Variants in ADH4 observed in about 807,000 individuals in gnomAD.
ADH4 encodes alcohol dehydrogenase 4 (class II), pi polypeptide, also known as all-trans-retinol dehydrogenase [NAD(+)] ADH4.
Under a neutral mutation model 35.2 loss-of-function variants are expected in ADH4, and 31 were observed. The observed-to-expected ratio is 0.88, with a 90% CI of 0.66 to 1.19. The LOEUF is 1.19. ADH4 is among the 50% of genes most tolerant of loss of function. The pLI is 0.00. For synonymous variants in ADH4, 171 were observed against 160.2 expected (o/e 1.07, Z -0.51); for missense variants, 476 against 458.3 (o/e 1.04, Z -0.35).
At position 99,136,488 on chromosome 4, in the gene ADH4, C is replaced by G. The variant is rs762740779; in HGVS notation, c.560G>C (p.Gly187Ala). Reference sequence around the variant, plus strand: ...TACCTTGGCATTGTTGATTGCAGCCCCATAGCCAGTTGAAAACCCACATCC... The same window carrying G: ...TACCTTGGCATTGTTGATTGCAGCCGCATAGCCAGTTGAAAACCCACATCC... ...LLGCGFSTGY[G>A]AAINNAKVTP... The change falls in exon 5 of 9, where the codon GGG becomes GCG. Residue 187 changes from glycine (G) to alanine (A), a missense_variant. Gly to Ala is a moderately conservative substitution (Grantham distance 60). Transcript: ENST00000265512. 4 of 1,614,010 alleles carry G rather than the reference C, an allele frequency of 2.5e-6. No homozygotes were observed. Among genetic ancestry groups the G allele is most frequent in the Non-Finnish European group, 3.4e-6 (4 of 1,179,980 alleles).
In ADH4 at chr4:99,124,247, ATTAT is replaced by A. The variant is rs1156898027; in HGVS notation, c.*191_*194del. 2 of 476,390 alleles carry A rather than the reference ATTAT, an allele frequency of 4.2e-6. No individual in the cohort carries two copies. The highest frequency in any genetic ancestry group is 7.4e-6 in the Non-Finnish European group (2 of 269,958). The allele number at this position is 476,390 out of a possible 1,614,324, so 29.5% of individuals were successfully genotyped here. A position where few individuals can be genotyped will look rare whatever the true frequency, so the allele number is the denominator to read the frequency against. On this transcript the variant is annotated 3_prime_UTR_variant, in exon 9 of 9. Transcript: ENST00000265512. ...CTATTCATAAACACTAGTTATTATT[ATTAT>A]TTAACATAGGGAATATTCATATATA...
chr4:99,127,060 C>A (rs6532797), intron 7 of ADH4, 149 bp downstream of exon 7: 447,280 of 464,774 alleles, frequency 0.96, 215,358 homozygotes, highest in East Asian at 1. Context: ...ATTTATAAGT[C>A]ATTAATAGTT....
At chr4:99,136,440 A>G in intron 5 of ADH4, 26 bp downstream of exon 5, 1 of 1,590,190 alleles carries the variant, frequency 6.3e-7, no homozygotes, top group Non-Finnish European at 8.6e-7. Flanking sequence ...CTTCTGTTTT[A>G]CACAAACTGG....
In ADH4 at chr4:99,141,586, CTGCAGCCTCA is replaced by C. The variant is rs775835319; in HGVS notation, c.207_216del (p.His69GlnfsTer11). The C allele has an allele frequency of 3.3e-5, 54 of 1,614,006 alleles. 3 individuals carry two copies. Among genetic ancestry groups the C allele is most frequent in the African/African-American group, 1.3e-5 (1 of 74,930 alleles). ...CCTGGCCCAATACTTTCCACAATAC[CTGCAGCCTCA>C]TGGCCAACGATCACTGGGAAAGCTA... On this transcript the variant is annotated frameshift_variant, in exon 3 of 9. Coordinates refer to ENST00000265512, the MANE Select transcript of ADH4 (RefSeq NM_000670.5). LOFTEE classifies it high-confidence loss of function.
In ADH4 at chr4:99,123,822, T is replaced by C. The variant is rs918098909; in HGVS notation, c.*620A>G. 1 of 152,266 alleles carries C rather than the reference T, an allele frequency of 6.6e-6. No individual in the cohort carries two copies. Among genetic ancestry groups the C allele is most frequent in the African/African-American group, 2.4e-5 (1 of 41,466 alleles). 9.4% of individuals were successfully genotyped at this position (152,266 alleles called of 1,614,324 possible). Reference sequence around the variant, plus strand: ...CTTTTTAAAAATTTCCAACTTTTATTAAGTTCCAGGGTACATGTGCAGGAT... The same window carrying C: ...CTTTTTAAAAATTTCCAACTTTTATCAAGTTCCAGGGTACATGTGCAGGAT... On this transcript the variant is annotated 3_prime_UTR_variant, in exon 9 of 9. Coordinates refer to ENST00000265512, the MANE Select transcript of ADH4 (RefSeq NM_000670.5).
intron 6 of ADH4, among the ~76,000 whole-genome samples, chr4:99,127,562 C>G (rs1305369032): frequency 6.6e-6 from 1 of 152,216 alleles, no homozygotes; most frequent in Non-Finnish European, 1.5e-5. Context: ...GTGCAGGTGA[C>G]TCATTCCTGT....
chr4:99,127,616 G>A (rs1353081999), intron 6 of ADH4, among the ~76,000 whole-genome samples: 1 of 151,856 alleles, frequency 6.6e-6, no homozygotes, highest in African/African-American at 2.4e-5. Context: ...ATCACTTGAG[G>A]CCAGGAGTTC....
At chr4:99,142,422 C>T (rs942260810) in intron 2 of ADH4, among the ~76,000 whole-genome samples, 8 of 152,162 alleles carry the variant, frequency 5.3e-5, no homozygotes. Context: ...AAGTGAATTC[C>T]TTTGTCTGAT....
rs1729282334 is a variant in ADH4, at chr4:99,131,764, C to T, written c.583G>A (p.Val195Ile). ...ACAGCACAAGTCGAACCAGGGGTGACCTGCAAGCAGGAAAATTATAAAGTA... is the reference window on the plus strand; with the variant it reads ...ACAGCACAAGTCGAACCAGGGGTGATCTGCAAGCAGGAAAATTATAAAGTA... The part of the protein sequence containing the change: ...GYGAAINNAK[V>I]TPGSTCAVFG... Residue 195 changes from valine to isoleucine, a missense_variant and splice_region_variant, in exon 6 of 9, where the codon GTC becomes ATC. By Grantham distance (29) the Val-to-Ile change is conservative. Transcript: ENST00000265512. 6.2e-7 allele frequency: 1 copy of T among 1,608,086 alleles called. No homozygotes were observed. The highest frequency in any genetic ancestry group is 1.1e-5 in the South Asian group (1 of 90,000).
intron 6 of ADH4, 145 bp downstream of exon 6, chr4:99,131,359 G>T: frequency 1.1e-6 from 1 of 914,398 alleles, no homozygotes; most frequent in Non-Finnish European, 1.6e-6. Flanking sequence ...TGAGGGAATG[G>T]GAAATGATTT....
In ADH4 at chr4:99,123,916, G is replaced by A. The variant is rs1728993171; in HGVS notation, c.*526C>T. The A allele has an allele frequency of 6.4e-6, 1 of 155,430 alleles. No homozygotes were observed. Among genetic ancestry groups the A allele is most frequent in the African/African-American group, 2.4e-5 (1 of 41,402 alleles). The allele number at this position is 155,430 out of a possible 1,614,324, so 9.6% of individuals were successfully genotyped here. On this transcript the variant is annotated 3_prime_UTR_variant, in exon 9 of 9. Transcript: ENST00000265512. Reference sequence around the variant, plus strand: ...CTGCACAGATCATCTCATCACCCAGGTATGAAGCCCAGCATCCATTAGCTA... The same window carrying A: ...CTGCACAGATCATCTCATCACCCAGATATGAAGCCCAGCATCCATTAGCTA...
rs181583298 is a variant in ADH4, at chr4:99,130,384, C to T, written c.843+1120G>A. On this transcript the variant is annotated intron_variant, in intron 6 of 8. Coordinates refer to ENST00000265512, the MANE Select transcript of ADH4 (RefSeq NM_000670.5). The stretch of plus-strand genomic sequence containing the variant: ...TAGACTCCAGTATCACTACATTCAG[C>T]TCCTTAAAAGGGTCCTTAGCAGGTG... Among the ~76,000 whole-genome samples the T allele has an allele frequency of 2.0e-5, 3 of 152,336 alleles. No individual in the cohort carries two copies. The East Asian group carries it at 5.8e-4, about 29-fold the overall frequency.
At chr4:99,143,140 A>G (rs755404665) in intron 1 of ADH4, 58 of 701,596 alleles carry the variant, frequency 8.3e-5, no homozygotes, top group Non-Finnish European at 1.1e-4. Context: ...TATTGAGTGA[A>G]CTGTTTGAAA....
At chr4:99,124,692 C>T (rs1729026970) in intron 8 of ADH4, among the ~76,000 whole-genome samples, 1 of 152,062 alleles carries the variant, frequency 6.6e-6, no homozygotes, top group Admixed American at 6.6e-5. Context: ...CCTTACTCAC[C>T]TTAGGCAGCG....
chr4:99,142,686 C>A lies in ADH4; in HGVS notation c.113G>T (p.Arg38Leu), dbSNP rs370233244. The A allele has an allele frequency of 1.9e-6, 3 of 1,569,384 alleles. No individual in the cohort carries two copies. The highest frequency in any genetic ancestry group is 2.4e-5 in the South Asian group (2 of 82,740). The change falls in exon 2 of 9, where the codon CGC (arginine) becomes CTC (leucine). Residue 38 changes from arginine (R) to leucine (L), a missense_variant. Physicochemically the swap from Arg to Leu is moderately radical, Grantham distance 102 (BLOSUM62 -2). Coordinates refer to ENST00000265512, the MANE Select transcript of ADH4 (RefSeq NM_000670.5). ...EVAPPKAHEV[R>L]IQIIATSLCH... ...AGGAAAGTCTCCACTTACCTGAATGCGAACTTCATGAGCCTTGGGGGGAGC... is the reference window on the plus strand; with the variant it reads ...AGGAAAGTCTCCACTTACCTGAATGAGAACTTCATGAGCCTTGGGGGGAGC...
chr4:99,126,272 G>A (rs963523673), intron 8 of ADH4, among the ~76,000 whole-genome samples: 5 of 119,420 alleles, frequency 4.2e-5, no homozygotes, highest in African/African-American at 1.0e-4. Context: ...AAACTCAGGG[G>A]TACACTCTAC....
chr4:99,139,115 C>T lies in ADH4; in HGVS notation c.296G>A (p.Cys99Tyr), dbSNP rs1560780480. Residue 99 changes from cysteine (C) to tyrosine (Y), a missense_variant, in exon 4 of 9, where the codon TGT becomes TAT. Cys to Tyr is a radical substitution (Grantham distance 194, BLOSUM62 -2). Transcript: ENST00000265512. ...ACTCAGACAAAACTTGCATTTTCTACATAGAGGTGCATAAAGTGGAATTAC... is the reference window on the plus strand; with the variant it reads ...ACTCAGACAAAACTTGCATTTTCTATATAGAGGTGCATAAAGTGGAATTAC... ...DKVIPLYAPL[C>Y]RKCKFCLSPL... is the part of the protein sequence containing the mutation. 1 of 1,613,322 alleles carries T rather than the reference C, an allele frequency of 6.2e-7. No homozygotes were observed. Among genetic ancestry groups the T allele is most frequent in the Non-Finnish European group, 8.5e-7 (1 of 1,179,606 alleles).
chr4:99,139,065 T>A lies in ADH4; in HGVS notation c.346A>T (p.Ile116Phe). 6.2e-7 allele frequency: 1 copy of A among 1,610,922 alleles called. No homozygotes were observed. The highest frequency in any genetic ancestry group is 8.5e-7 in the Non-Finnish European group (1 of 1,177,572). ...CTAACAGTGTAGAGTGCTTACCTGA[T>A]TTTCCCACACAAATTTGTGAGTGGA... ...LSPLTNLCGKISNLKSPASDQ... is the reference protein window; with the variant it reads ...LSPLTNLCGKFSNLKSPASDQ... The change falls in exon 4 of 9, where the codon ATC becomes TTC. Residue 116 changes from isoleucine (I) to phenylalanine (F), a missense_variant. Ile to Phe is a conservative substitution (Grantham distance 21). Transcript: ENST00000265512.
At position 99,144,056 on chromosome 4, in the gene ADH4, G is replaced by A. The variant is rs1278843240; in HGVS notation, c.18+149C>T. The A allele has an allele frequency of 3.8e-6, 3 of 798,022 alleles. No individual in the cohort carries two copies. The African/African-American group carries it at 5.2e-5, about 14-fold the overall frequency. The allele number at this position is 798,022 out of a possible 1,614,324, so 49.4% of individuals were successfully genotyped here. A position where few individuals can be genotyped will look rare whatever the true frequency, so the allele number is the denominator to read the frequency against. On this transcript the variant is annotated intron_variant, in intron 1 of 8. Transcript: ENST00000265512. ...TGGCAATCCACAGTTAATTTCCCTA[G>A]AATAAATTCCTGGCATAGGGGTCAC...
Sources: gnomAD v4.1 joint callset for allele counts (sites outside exome capture counted in the v4.1 genomes callset) on GRCh38, gnomAD v4.1.1 for gene constraint, MANE v1.5 for transcripts, NCBI Gene and HGNC (gene_info 2026-07-23, HGNC 2026-07-21) for gene names.